Variants in FHIT observed in about 807,000 individuals in gnomAD.
The protein encoded by FHIT is bis(5'-adenosyl)-triphosphatase.
A neutral mutation model predicts 17.9 loss-of-function variants in FHIT; 19 were observed. The observed-to-expected ratio is 1.06, with a 90% CI of 0.74 to 1.56. FHIT has a LOEUF of 1.56. FHIT is among the 40% of genes most tolerant of loss of function. FHIT has a pLI of 0.00. For synonymous variants in FHIT, 81 were observed against 69.7 expected, an observed-to-expected ratio of 1.16 and a Z score of -0.81; for missense variants, 248 against 189.2, an observed-to-expected ratio of 1.31 and a Z score of -1.82.
chr3:60,325,348 T>C (rs1172840437), intron 5 of FHIT, among the ~76,000 whole-genome samples: 1 of 152,212 alleles, frequency 6.6e-6, no homozygotes, highest in Non-Finnish European at 1.5e-5. Flanking sequence ...TTTGATAAAT[T>C]AAATAATATG....
intron 7 of FHIT, among the ~76,000 whole-genome samples, chr3:59,998,995 C>T (rs1179132542): frequency 1.3e-5 from 2 of 152,056 alleles, no homozygotes; most frequent in African/African-American, 4.8e-5. Flanking sequence ...GGCTCCAAAG[C>T]AAGTTATGGA....
At chr3:59,892,694 GA>G (rs887558686) in intron 8 of FHIT, among the ~76,000 whole-genome samples, 1 of 152,124 alleles carries the variant, frequency 6.6e-6, no homozygotes, top group African/African-American at 2.4e-5. Context: ...CCTCTTAAAG[GA>G]AAAACAATCT....
At chr3:60,741,439 C>T (rs575262485) in intron 4 of FHIT, among the ~76,000 whole-genome samples, 2 of 152,320 alleles carry the variant, frequency 1.3e-5, no homozygotes, top group Middle Eastern at 6.8e-3. Flanking sequence ...GGTAAGGATG[C>T]CCTGAAGCAG....
chr3:60,257,577 A>G (rs1706063505), intron 5 of FHIT, among the ~76,000 whole-genome samples: 1 of 152,204 alleles, frequency 6.6e-6, no homozygotes, highest in Admixed American at 6.5e-5. Context: ...TCACAGTAGT[A>G]ACATGGCATA....
Position 61,131,438 on chromosome 3 carries a change from C to G in FHIT, c.-164+69179G>C, listed in dbSNP as rs2036760653. The stretch of plus-strand genomic sequence containing the variant: ...CAAAATATTCTCCTTCCTCAGCACA[C>G]TCAAGTGAAGGCCATAAGTGGACTG... On this transcript the variant is annotated intron_variant, in intron 2 of 9. Coordinates refer to ENST00000492590, the MANE Select transcript of FHIT (RefSeq NM_002012.4). Among the ~76,000 whole-genome samples the G allele has an allele frequency of 2.0e-5, 3 of 152,368 alleles. No homozygotes were observed. The South Asian group carries it at 6.2e-4, about 32-fold the overall frequency.
At chr3:60,698,735 C>A (rs2041171178) in intron 4 of FHIT, among the ~76,000 whole-genome samples, 1 of 152,074 alleles carries the variant, frequency 6.6e-6, no homozygotes, top group Admixed American at 6.6e-5. Flanking sequence ...GCTCCCCTAC[C>A]CTTTTTAATT....
At chr3:59,870,079 A>G (rs917452769) in intron 8 of FHIT, among the ~76,000 whole-genome samples, 1 of 152,166 alleles carries the variant, frequency 6.6e-6, no homozygotes, top group African/African-American at 2.4e-5. Context: ...AGTTCAAAGA[A>G]TTTACTCAAG....
chr3:59,876,493 G>A (rs539418699), intron 8 of FHIT, among the ~76,000 whole-genome samples: 110 of 152,204 alleles, frequency 7.2e-4, no homozygotes, highest in African/African-American at 2.6e-3. Flanking sequence ...GAGTTGGGAT[G>A]GGGATGGCAC....
At position 60,536,846 on chromosome 3, in the gene FHIT, A is replaced by T. The variant is rs771431561; in HGVS notation, c.103+14T>A. ...CTTTTATTTTCCCTCTCCAAAAAAAAAAAGAAAGGATACGTCCTGGTACCA... is the reference window on the plus strand; with the variant it reads ...CTTTTATTTTCCCTCTCCAAAAAAATAAAGAAAGGATACGTCCTGGTACCA... On this transcript the variant is annotated intron_variant, in intron 5 of 9. Coordinates refer to ENST00000492590, the MANE Select transcript of FHIT (RefSeq NM_002012.4). 2.5e-6 allele frequency: 4 copies of T among 1,574,780 alleles called. No homozygotes were observed. The highest frequency in any genetic ancestry group is 1.7e-6 in the Non-Finnish European group (2 of 1,167,884).
chr3:61,176,171 T>C (rs1447414663), intron 2 of FHIT, among the ~76,000 whole-genome samples: 1 of 152,216 alleles, frequency 6.6e-6, no homozygotes, highest in Non-Finnish European at 1.5e-5. Flanking sequence ...AACTCTTCCT[T>C]GAATAACTAT....
rs181495549 is a variant in FHIT, at chr3:60,994,609, T to C, written c.-111+47438A>G. ...AATAAGATCATGCCGATCAAGTACT[T>C]AAAGCAACATTGGGCACGGTTGGGA... On this transcript the variant is annotated intron_variant, in intron 3 of 9. Coordinates refer to ENST00000492590, the MANE Select transcript of FHIT (RefSeq NM_002012.4). Among the ~76,000 whole-genome samples, 3 of 152,234 alleles carry C rather than the reference T, an allele frequency of 2.0e-5. No homozygotes were observed. The East Asian group carries it at 5.8e-4, about 29-fold the overall frequency.
At chr3:60,523,098 G>C (rs909833179) in intron 5 of FHIT, among the ~76,000 whole-genome samples, 1 of 152,240 alleles carries the variant, frequency 6.6e-6, no homozygotes, top group Non-Finnish European at 1.5e-5. Flanking sequence ...CACAAGAACA[G>C]TATGGGGGAA....
chr3:60,510,600 T>C (rs1576786595), intron 5 of FHIT, among the ~76,000 whole-genome samples: 1 of 147,032 alleles, frequency 6.8e-6, no homozygotes, highest in South Asian at 2.2e-4. Context: ...TGAGATCTCA[T>C]GGGAGACGAT....
intron 8 of FHIT, among the ~76,000 whole-genome samples, chr3:59,869,793 C>A (rs1360752698): frequency 6.6e-6 from 1 of 151,772 alleles, no homozygotes; most frequent in Non-Finnish European, 1.5e-5. Flanking sequence ...GCGAAGGATA[C>A]CCATTTTTAA....
Position 60,126,016 on chromosome 3 carries a change from C to T in FHIT, c.104-111864G>A, listed in dbSNP as rs577477650. Among the ~76,000 whole-genome samples, 50 of 152,254 alleles carry T rather than the reference C, an allele frequency of 3.3e-4. 1 individual carries two copies. In the South Asian group the frequency reaches 1.0e-2, roughly 30 times the overall value. Reference sequence around the variant, plus strand: ...GGCTGATCTATGTGGACTACACTGACAGGCCCCTTGGTGTTCTGGCTTCTC... The same window carrying T: ...GGCTGATCTATGTGGACTACACTGATAGGCCCCTTGGTGTTCTGGCTTCTC... On this transcript the variant is annotated intron_variant, in intron 5 of 9. Coordinates refer to ENST00000492590, the MANE Select transcript of FHIT (RefSeq NM_002012.4).
At chr3:59,832,811 T>C (rs752960090) in intron 8 of FHIT, among the ~76,000 whole-genome samples, 20 of 152,210 alleles carry the variant, frequency 1.3e-4, no homozygotes, top group Non-Finnish European at 2.5e-4. Context: ...AGGGGCTATC[T>C]TCCCTATCAT....
chr3:60,455,679 A>C (rs1026911312), intron 5 of FHIT, among the ~76,000 whole-genome samples: 1 of 152,120 alleles, frequency 6.6e-6, no homozygotes, highest in Non-Finnish European at 1.5e-5. Flanking sequence ...AGGTTATGCA[A>C]CCTACATGGG....
At chr3:60,468,137 G>A (rs1211023563) in intron 5 of FHIT, among the ~76,000 whole-genome samples, 1 of 151,922 alleles carries the variant, frequency 6.6e-6, no homozygotes, top group Non-Finnish European at 1.5e-5. Flanking sequence ...CTATTTTCAT[G>A]CAACATCTTC....
intron 5 of FHIT, among the ~76,000 whole-genome samples, chr3:60,367,077 C>T (rs942094605): frequency 1.3e-5 from 2 of 152,186 alleles, no homozygotes; most frequent in Non-Finnish European, 2.9e-5. Context: ...CAATGAGACT[C>T]ATCAATACTC....
Sources: gnomAD v4.1 joint callset for allele counts (sites outside exome capture counted in the v4.1 genomes callset) on GRCh38, gnomAD v4.1.1 for gene constraint, MANE v1.5 for transcripts, NCBI Gene and HGNC (gene_info 2026-07-23, HGNC 2026-07-21) for gene names.